Variants in CDC73 observed in about 807,000 individuals in gnomAD.
CDC73 encodes the protein cell division cycle 73, also known as parafibromin.
CDC73 carries 21 observed loss-of-function variants against 83.7 expected under a neutral mutation model. The observed-to-expected ratio is 0.25, with a 90% CI of 0.18 to 0.36. The LOEUF is 0.36. Ranked by LOEUF, CDC73 falls within the 10% of genes least tolerant of loss-of-function variation. The pLI is 1.00. For missense variants in CDC73, 342 were observed against 653.3 expected, an observed-to-expected ratio of 0.52 and a Z score of 5.19; for synonymous variants, 224 against 212.9, an observed-to-expected ratio of 1.05 and a Z score of -0.45.
Position 193,249,880 on chromosome 1 carries a change from GA to G in CDC73, c.1559+10del, listed in dbSNP as rs767962310. On this transcript the variant is annotated intron_variant, in intron 16 of 16. Transcript: ENST00000367435. ...TGGGAAACATTGGACAGGTAATTCC[GA>G]TTCTAAAATATGCTTGTGTGTGTTT... The G allele has an allele frequency of 6.2e-7, 1 of 1,611,428 alleles. No homozygotes were observed. The highest frequency in any genetic ancestry group is 8.5e-7 in the Non-Finnish European group (1 of 1,177,952).
At chr1:193,198,556 A>C (rs917358220) in intron 10 of CDC73, among the ~76,000 whole-genome samples, 1 of 152,216 alleles carries the variant, frequency 6.6e-6, no homozygotes, top group Non-Finnish European at 1.5e-5. Flanking sequence ...AATTTTGAGA[A>C]ATATGTTTCT....
In CDC73 at chr1:193,234,271, AATAT is replaced by A. The variant is rs1457259033; in HGVS notation, c.1316+1123_1316+1126del. 1.9e-3 allele frequency among the ~76,000 whole-genome samples: 258 copies of A among 137,156 alleles called. 7 individuals carry two copies. The highest frequency in any genetic ancestry group is 6.7e-3 in the African/African-American group (246 of 36,818). The allele number at this position is 137,156 out of a possible 152,430, so 90.0% of individuals were successfully genotyped here. A position where few individuals can be genotyped will look rare whatever the true frequency, so the allele number is the denominator to read the frequency against. On this transcript the variant is annotated intron_variant, in intron 14 of 16. Coordinates refer to ENST00000367435, the MANE Select transcript of CDC73 (RefSeq NM_024529.5). ...TTATTTATATATATAATTTAATTAT[AATAT>A]ATATAATATACATATTATATATATA...
chr1:193,165,338 A>G (rs1212918314), intron 10 of CDC73, among the ~76,000 whole-genome samples: 1 of 152,240 alleles, frequency 6.6e-6, no homozygotes, highest in Non-Finnish European at 1.5e-5. Flanking sequence ...AAGATTCAGA[A>G]TGCAGTCAAT....
chr1:193,216,179 C>T lies in CDC73; in HGVS notation c.1154+3702C>T, dbSNP rs1251725869. ...CAAAATTTGGTTCTTTGAAATAATA[C>T]GATTAATAGACTGCTAGCTAGATTA... On this transcript the variant is annotated intron_variant, in intron 13 of 16. Coordinates refer to ENST00000367435, the MANE Select transcript of CDC73 (RefSeq NM_024529.5). 2.0e-5 allele frequency among the ~76,000 whole-genome samples: 3 copies of T among 151,892 alleles called. No homozygotes were observed. The East Asian group carries it at 5.8e-4, about 29-fold the overall frequency.
At chr1:193,123,440 T>G (rs981136970) in intron 1 of CDC73, among the ~76,000 whole-genome samples, 10 of 152,214 alleles carry the variant, frequency 6.6e-5, no homozygotes, top group African/African-American at 2.2e-4. Context: ...TTGGTCAGGC[T>G]GGTCTCGAAC....
chr1:193,146,024 A>C lies in CDC73; in HGVS notation c.730-1843A>C, dbSNP rs564873362. ...GAGAGTAAAGAGGAGTGATACCTAA[A>C]GAACAAAAACTAGTGAGGGAGGTGA... is the stretch of plus-strand genomic sequence containing the variant. On this transcript the variant is annotated intron_variant, in intron 7 of 16. Transcript: ENST00000367435. 2.4e-4 allele frequency among the ~76,000 whole-genome samples: 36 copies of C among 152,280 alleles called. No homozygotes were observed. The South Asian group carries it at 7.5e-3, about 32-fold the overall frequency.
At chr1:193,190,250 T>C (rs529095758) in intron 10 of CDC73, among the ~76,000 whole-genome samples, 1 of 152,370 alleles carries the variant, frequency 6.6e-6, no homozygotes, top group African/African-American at 2.4e-5. Flanking sequence ...TTTAGTTTTA[T>C]TGAGATGACT....
intron 6 of CDC73, among the ~76,000 whole-genome samples, chr1:193,139,169 G>A (rs1162979606): frequency 1.3e-5 from 2 of 151,770 alleles, no homozygotes; most frequent in African/African-American, 4.8e-5. Context: ...AGTCCTTTTT[G>A]GATAGTTTCT....
At chr1:193,125,061 AGAGTT>A (rs1373408146) in intron 1 of CDC73, 46 bp from the exon 2 acceptor site, 2 of 895,174 alleles carry the variant, frequency 2.2e-6, no homozygotes, top group South Asian at 2.6e-5. Flanking sequence ...TCCAGCCTGA[AGAGTT>A]GAATTAGAAT....
chr1:193,241,394 A>T (rs958007964), intron 15 of CDC73, among the ~76,000 whole-genome samples: 6 of 152,254 alleles, frequency 3.9e-5, no homozygotes, highest in African/African-American at 1.4e-4. Flanking sequence ...TGGTGGCAGC[A>T]GCAGGCTGAG....
intron 15 of CDC73, among the ~76,000 whole-genome samples, chr1:193,247,394 C>G (rs529553305): frequency 2.0e-5 from 3 of 152,122 alleles, no homozygotes; most frequent in Non-Finnish European, 4.4e-5. Context: ...CTCTCTCTCT[C>G]TCTCTCTTCA....
chr1:193,132,260 C>G (rs1356351250), intron 3 of CDC73, among the ~76,000 whole-genome samples: 1 of 152,164 alleles, frequency 6.6e-6, no homozygotes, highest in South Asian at 2.1e-4. Flanking sequence ...GGAATGCTTT[C>G]TTCCTATGCT....
At chr1:193,150,526 T>C in intron 9 of CDC73, 144 bp downstream of exon 9, 1 of 661,298 alleles carries the variant, frequency 1.5e-6, no homozygotes, top group South Asian at 1.7e-5. Flanking sequence ...TAAATAACAT[T>C]TTGTTGGGAC....
intron 10 of CDC73, among the ~76,000 whole-genome samples, chr1:193,169,938 C>G (rs545663934): frequency 6.6e-6 from 1 of 151,892 alleles, no homozygotes. Context: ...TTTTTCTGAT[C>G]CTCTCTCTCT....
intron 15 of CDC73, among the ~76,000 whole-genome samples, chr1:193,241,925 C>T (rs1462121768): frequency 2.0e-5 from 3 of 152,110 alleles, no homozygotes; most frequent in Admixed American, 6.5e-5. Flanking sequence ...GGGAGAGCAG[C>T]GTTGTTTTCA....
intron 15 of CDC73, chr1:193,236,688 A>G (rs1418720504): frequency 6.0e-6 from 2 of 331,750 alleles, no homozygotes; most frequent in African/African-American, 4.3e-5. Flanking sequence ...TTAGGTCGGG[A>G]GGTCGAGACC....
At chr1:193,249,424 T>C (rs1251762449) in intron 15 of CDC73, among the ~76,000 whole-genome samples, 4 of 152,036 alleles carry the variant, frequency 2.6e-5, no homozygotes, top group Non-Finnish European at 4.4e-5. Flanking sequence ...TGATACTTTA[T>C]TGCGGTGGTC....
intron 2 of CDC73, among the ~76,000 whole-genome samples, chr1:193,126,341 T>A (rs1030409676): frequency 9.2e-5 from 14 of 152,194 alleles, no homozygotes; most frequent in African/African-American, 2.4e-5. Flanking sequence ...TGTTTGAAAA[T>A]TTATTACTCA....
At chr1:193,207,054 C>G (rs1414455949) in intron 11 of CDC73, among the ~76,000 whole-genome samples, 1 of 152,114 alleles carries the variant, frequency 6.6e-6, no homozygotes, top group Non-Finnish European at 1.5e-5. Context: ...CCCTAAGTGT[C>G]AGCCTGTCTG....
Sources: gnomAD v4.1 joint callset for allele counts (sites outside exome capture counted in the v4.1 genomes callset) on GRCh38, gnomAD v4.1.1 for gene constraint, MANE v1.5 for transcripts, NCBI Gene and HGNC (gene_info 2026-07-23, HGNC 2026-07-21) for gene names.